Variants in CAPNS1 observed in about 807,000 individuals in gnomAD.
CAPNS1 encodes CANP small subunit.
A neutral mutation model predicts 39.2 loss-of-function variants in CAPNS1; 32 were observed. That is an observed-to-expected ratio of 0.82 (90% CI 0.62 to 1.10). The LOEUF is 1.10. Ranked by LOEUF, CAPNS1 falls within the 50% of genes least tolerant of loss-of-function variation. The probability of loss-of-function intolerance (pLI) is 0.00; values close to 1 mark genes in which losing one functional copy is unlikely to be tolerated. For missense variants in CAPNS1, 353 were observed against 373.1 expected (o/e 0.95, Z 0.44); for synonymous variants, 153 against 136.2 (o/e 1.12, Z -0.86).
At chr19:36,141,359 G>A (rs1974367502) in intron 2 of CAPNS1, 139 bp downstream of exon 2, 8 of 1,362,126 alleles carry the variant, frequency 5.9e-6, no homozygotes, top group Non-Finnish European at 6.6e-6. Context: ...AGGCCGGGGA[G>A]GCCTGGTTTG....
In CAPNS1 at chr19:36,146,197, GT is replaced by G; in HGVS notation, c.608del (p.Phe203SerfsTer3). The G allele has an allele frequency of 6.2e-7, 1 of 1,610,714 alleles. No homozygotes were observed. The highest frequency in any genetic ancestry group is 8.5e-7 in the Non-Finnish European group (1 of 1,176,824). On this transcript the variant is annotated frameshift_variant and splice_region_variant, in exon 9 of 11. Transcript: ENST00000246533. LOFTEE classifies it high-confidence loss of function. Reference protein sequence around the residue: ...ELPGAFEAAGFHLNEHLYNMI... With the variant: ...ELPGAFEAAGXHLNEHLYNMI... ...CCTGAAGGACTACATCCATCTTAGG[GT>G]TCCACCTGAATGAGCATCTCTATAA...
rs560742467 is a variant in CAPNS1, at chr19:36,149,702, C to T, written c.780+66C>T. ...CCCACCCCTCAGCCCTTCATACCAG[C>T]TCTGAGCTGCAGTCCCCTTCCTCCT... is the stretch of plus-strand genomic sequence containing the variant. On this transcript the variant is annotated intron_variant, in intron 10 of 10. Coordinates refer to ENST00000246533, the MANE Select transcript of CAPNS1 (RefSeq NM_001749.4). 133 of 1,595,150 alleles carry T rather than the reference C, an allele frequency of 8.3e-5. 1 individual carries two copies. The South Asian group carries it at 1.4e-3, about 17-fold the overall frequency.
At chr19:36,148,605 G>A (rs1355775995) in intron 9 of CAPNS1, among the ~76,000 whole-genome samples, 1 of 151,768 alleles carries the variant, frequency 6.6e-6, no homozygotes, top group Admixed American at 6.6e-5. Context: ...GATGTCAGGA[G>A]TTTGAGACCA....
chr19:36,144,480 C>T (rs950003278), intron 6 of CAPNS1, among the ~76,000 whole-genome samples: 1 of 152,214 alleles, frequency 6.6e-6, no homozygotes, highest in African/African-American at 2.4e-5. Flanking sequence ...CACAGGGACA[C>T]ACGTGTTATC....
intron 6 of CAPNS1, among the ~76,000 whole-genome samples, chr19:36,144,414 C>T (rs75117413): frequency 1.3e-5 from 2 of 151,694 alleles, no homozygotes; most frequent in South Asian, 2.1e-4. Context: ...TGCGCATATA[C>T]ACACACACAC....
At chr19:36,146,855 T>G (rs1974586204) in intron 9 of CAPNS1, among the ~76,000 whole-genome samples, 1 of 152,154 alleles carries the variant, frequency 6.6e-6, no homozygotes, top group Non-Finnish European at 1.5e-5. Context: ...TTCTTTCTAT[T>G]TTTTTGAGAC....
chr19:36,148,879 G>T (rs1028435354), intron 9 of CAPNS1, among the ~76,000 whole-genome samples: 1 of 152,164 alleles, frequency 6.6e-6, no homozygotes, highest in Non-Finnish European at 1.5e-5. Flanking sequence ...CCTGAGGGTG[G>T]TGGTAACTGA....
rs1403647344 is a variant in CAPNS1 at position 36,143,875 on chromosome 19, A to T, written c.456+747A>T. Among the ~76,000 whole-genome samples the T allele has an allele frequency of 2.8e-5, 4 of 142,544 alleles. No individual in the cohort carries two copies. In the South Asian group the frequency reaches 9.0e-4, roughly 32 times the overall value. 93.5% of individuals were successfully genotyped at this position (142,544 alleles called of 152,430 possible). On this transcript the variant is annotated intron_variant, in intron 6 of 10. Coordinates refer to ENST00000246533, the MANE Select transcript of CAPNS1 (RefSeq NM_001749.4). ...CAGACTCTGTCTCAAAAAATAAAATAAAAATAAAAATAAAAATAGGCCGGG... is the reference window on the plus strand; with the variant it reads ...CAGACTCTGTCTCAAAAAATAAAATTAAAATAAAAATAAAAATAGGCCGGG...
intron 6 of CAPNS1, among the ~76,000 whole-genome samples, chr19:36,143,590 G>A (rs1025532739): frequency 1.3e-5 from 2 of 151,700 alleles, no homozygotes; most frequent in Admixed American, 6.6e-5. Flanking sequence ...GGCCAGGCAC[G>A]GTGGCTCACA....
At chr19:36,142,251 TTGGA>T (rs774586982) in intron 2 of CAPNS1, 45 bp from the exon 3 acceptor site, 9 of 1,343,822 alleles carry the variant, frequency 6.7e-6, no homozygotes, top group Non-Finnish European at 9.6e-6. Flanking sequence ...GTGCTGCCCG[TTGGA>T]GGCCCCGCCC....
At chr19:36,143,011 G>T (rs767124270) in intron 5 of CAPNS1, 45 bp downstream of exon 5, 1 of 1,612,420 alleles carries the variant, frequency 6.2e-7, no homozygotes, top group Admixed American at 1.7e-5. Context: ...AGAGGCAGAG[G>T]GGTCAGAGAG....
intron 6 of CAPNS1, among the ~76,000 whole-genome samples, chr19:36,143,460 C>T (rs1974451539): frequency 6.6e-6 from 1 of 152,090 alleles, no homozygotes; most frequent in Admixed American, 6.5e-5. Context: ...GGCATGGTGG[C>T]TCATGCCTGT....
At chr19:36,145,952 G>A (rs1241617061) in intron 7 of CAPNS1, 24 bp from the exon 8 acceptor site, 2 of 1,613,784 alleles carry the variant, frequency 1.2e-6, no homozygotes, top group African/African-American at 2.7e-5. Flanking sequence ...TGCTCACTTG[G>A]ACCCAATGTC....
rs1228531018 is a variant in CAPNS1 at position 36,149,896 on chromosome 19, C to T, written c.*57C>T. 14 of 1,387,010 alleles carry T rather than the reference C, an allele frequency of 1.0e-5. No individual in the cohort carries two copies. Among genetic ancestry groups the T allele is most frequent in the African/African-American group, 8.9e-5 (6 of 67,044 alleles). The allele number at this position is 1,387,010 out of a possible 1,614,324, so 85.9% of individuals were successfully genotyped here. On this transcript the variant is annotated 3_prime_UTR_variant, in exon 11 of 11. Transcript: ENST00000246533. ...TTGCTATAGGAGTCACCTGGAGCCTCGGTCTCTCCCAGGGCCGATCCTGTC... is the reference window on the plus strand; with the variant it reads ...TTGCTATAGGAGTCACCTGGAGCCTTGGTCTCTCCCAGGGCCGATCCTGTC...
Position 36,146,188 on chromosome 19 carries a change from C to T in CAPNS1, c.605-8C>T. 1 of 1,603,186 alleles carries T rather than the reference C, an allele frequency of 6.2e-7. No homozygotes were observed. Among genetic ancestry groups the T allele is most frequent in the Admixed American group, 1.7e-5 (1 of 60,018 alleles). On this transcript the variant is annotated splice_region_variant and splice_polypyrimidine_tract_variant and intron_variant, in intron 8 of 10. Coordinates refer to ENST00000246533, the MANE Select transcript of CAPNS1 (RefSeq NM_001749.4). ...GCCCCCGCACCTGAAGGACTACATC[C>T]ATCTTAGGGTTCCACCTGAATGAGC...
chr19:36,146,606 G>A (rs1308224155), intron 9 of CAPNS1, among the ~76,000 whole-genome samples: 1 of 152,176 alleles, frequency 6.6e-6, no homozygotes, highest in Non-Finnish European at 1.5e-5. Flanking sequence ...GGAAGAGTGA[G>A]CAGAGCGTGC....
Position 36,142,324 on chromosome 19 carries a change from G to A in CAPNS1, c.234G>A (p.Pro78=), listed in dbSNP as rs1304261216. ...GCGAGGCGGCTGCGCAGTACAACCC[G>A]GAGCCCCCGGTAAGCCCCCTCTGCA... ...AISEAAAQYN[P]EPPPPRTHYS... The change falls in exon 3 of 11, where the codon CCG becomes CCA. Residue 78 remains proline, a synonymous_variant. Transcript: ENST00000246533. 5 of 1,523,566 alleles carry A rather than the reference G, an allele frequency of 3.3e-6. No homozygotes were observed. In the African/African-American group the frequency reaches 4.5e-5, roughly 14 times the overall value. 94.4% of individuals were successfully genotyped at this position (1,523,566 alleles called of 1,614,324 possible). A position where few individuals can be genotyped will look rare whatever the true frequency, so the allele number is the denominator to read the frequency against.
At chr19:36,141,670 C>T (rs926827166) in intron 2 of CAPNS1, 9 of 903,232 alleles carry the variant, frequency 1.0e-5, no homozygotes, top group Admixed American at 1.1e-4. Context: ...CAGGAGGAAG[C>T]AAGACCTAAT....
chr19:36,145,908 G>T, intron 7 of CAPNS1, 34 bp downstream of exon 7: 1 of 1,613,244 alleles, frequency 6.2e-7, no homozygotes, highest in Non-Finnish European at 8.5e-7. Context: ...CTGGCACCCA[G>T]ACCCCCAAGC....
Sources: allele counts gnomAD v4.1 joint callset (sites outside exome capture counted in the v4.1 genomes callset), GRCh38; gene constraint gnomAD v4.1.1; transcripts MANE v1.5; gene names NCBI Gene and HGNC (gene_info 2026-07-23, HGNC 2026-07-21).